Variants in RORB observed in about 807,000 individuals in gnomAD.
RORB encodes nuclear receptor ROR-beta.
In RORB, 6 loss-of-function variants were observed where a neutral mutation model predicts 59.1. That is an observed-to-expected ratio of 0.10 (90% CI 0.06 to 0.20). RORB has a LOEUF of 0.20. RORB is among the 10% of genes least tolerant of loss of function. The pLI, the probability that RORB is intolerant of heterozygous loss-of-function variation, is 1.00. For missense variants in RORB, 320 were observed against 560.5 expected (o/e 0.57, Z 4.33); for synonymous variants, 215 against 204.5 (o/e 1.05, Z -0.44).
chr9:74,549,609 A>G (rs78633875), intron 1 of RORB, among the ~76,000 whole-genome samples: 2,463 of 32,714 alleles, frequency 0.075, 108 homozygotes, highest in African/African-American at 0.097. Context: ...AGGAAGGAAG[A>G]AAGGAAGGAA....
chr9:74,573,474 A>C (rs1333029192), intron 1 of RORB, among the ~76,000 whole-genome samples: 2 of 151,946 alleles, frequency 1.3e-5, no homozygotes, highest in Non-Finnish European at 2.9e-5. Context: ...TAAAAAAAAA[A>C]AAAAAAAAAA....
intron 1 of RORB, among the ~76,000 whole-genome samples, chr9:74,621,917 A>G (rs1479041816): frequency 6.6e-6 from 1 of 152,166 alleles, no homozygotes; most frequent in Non-Finnish European, 1.5e-5. Context: ...TTGAATTTTA[A>G]GAGCACTTTG....
At chr9:74,540,642 T>C (rs1218879234) in intron 1 of RORB, among the ~76,000 whole-genome samples, 2 of 152,134 alleles carry the variant, frequency 1.3e-5, no homozygotes, top group Non-Finnish European at 2.9e-5. Context: ...CAGGGATCTT[T>C]CTCATTCTTT....
chr9:74,614,113 A>G (rs1823273576), intron 1 of RORB, among the ~76,000 whole-genome samples: 2 of 152,142 alleles, frequency 1.3e-5, no homozygotes, highest in Admixed American at 1.3e-4. Context: ...GCTGGGTTGA[A>G]TGACAGTACT....
At chr9:74,561,619 G>A (rs1822397913) in intron 1 of RORB, among the ~76,000 whole-genome samples, 2 of 152,050 alleles carry the variant, frequency 1.3e-5, no homozygotes, top group South Asian at 2.1e-4. Context: ...AGACTTATAG[G>A]AAGGTGCAAA....
chr9:74,517,064 T>C (rs1826020762), intron 1 of RORB, among the ~76,000 whole-genome samples: 2 of 151,934 alleles, frequency 1.3e-5, no homozygotes, highest in Non-Finnish European at 2.9e-5. Flanking sequence ...TCAAGATTCT[T>C]CCAAGAATCT....
At chr9:74,570,647 C>T (rs1166733359) in intron 1 of RORB, among the ~76,000 whole-genome samples, 1 of 152,042 alleles carries the variant, frequency 6.6e-6, no homozygotes, top group African/African-American at 2.4e-5. Context: ...TTCCTTCTAG[C>T]TTTCACATAA....
chr9:74,621,754 T>A (rs1416745291), intron 1 of RORB, among the ~76,000 whole-genome samples: 1 of 152,218 alleles, frequency 6.6e-6, no homozygotes, highest in East Asian at 1.9e-4. Context: ...GCATTTGGTA[T>A]TATCAGTTTT....
chr9:74,581,157 C>T (rs942983717), intron 1 of RORB, among the ~76,000 whole-genome samples: 1 of 152,184 alleles, frequency 6.6e-6, no homozygotes, highest in South Asian at 2.1e-4. Flanking sequence ...CATGAAAATT[C>T]ACCAGGCCCT....
At chr9:74,541,463 A>G (rs577057703) in intron 1 of RORB, among the ~76,000 whole-genome samples, 2 of 152,134 alleles carry the variant, frequency 1.3e-5, no homozygotes, top group South Asian at 2.1e-4. Context: ...AGTGATGTGC[A>G]TAGTACAAAA....
At chr9:74,611,593 G>C (rs909827757) in intron 1 of RORB, among the ~76,000 whole-genome samples, 4 of 152,140 alleles carry the variant, frequency 2.6e-5, no homozygotes, top group Non-Finnish European at 4.4e-5. Context: ...CCCCAGTGTT[G>C]AGTCAAGCAA....
chr9:74,542,109 A>G (rs990877583), intron 1 of RORB, among the ~76,000 whole-genome samples: 1 of 152,194 alleles, frequency 6.6e-6, no homozygotes, highest in African/African-American at 2.4e-5. Context: ...CAGACTTCAA[A>G]GAATTCACAC....
At chr9:74,523,635 T>A (rs1826113284) in intron 1 of RORB, among the ~76,000 whole-genome samples, 1 of 151,938 alleles carries the variant, frequency 6.6e-6, no homozygotes, top group Non-Finnish European at 1.5e-5. Flanking sequence ...GTTGGCCTGA[T>A]TGCCAGTGCC....
At chr9:74,499,587 C>T (rs1020150549) in intron 1 of RORB, among the ~76,000 whole-genome samples, 32 of 152,170 alleles carry the variant, frequency 2.1e-4, no homozygotes, top group Admixed American at 1.6e-3. Context: ...CGCGCTGGCT[C>T]CAGCTGATTG....
intron 1 of RORB, among the ~76,000 whole-genome samples, chr9:74,548,110 TC>T (rs1342921368): frequency 1.3e-5 from 2 of 152,062 alleles, no homozygotes; most frequent in African/African-American, 4.8e-5. Flanking sequence ...AAAAAATGAC[TC>T]CCCATGTTTT....
At chr9:74,504,461 G>A (rs1825842187) in intron 1 of RORB, among the ~76,000 whole-genome samples, 1 of 151,860 alleles carries the variant, frequency 6.6e-6, no homozygotes, top group African/African-American at 2.4e-5. Flanking sequence ...AAAATATAAG[G>A]CTAAAATCTT....
At chr9:74,518,505 C>G (rs1826040579) in intron 1 of RORB, among the ~76,000 whole-genome samples, 1 of 151,942 alleles carries the variant, frequency 6.6e-6, no homozygotes, top group Non-Finnish European at 1.5e-5. Flanking sequence ...GGAAAGACTT[C>G]TAGAATTTAA....
At position 74,691,860 on chromosome 9, in the gene RORB, G is replaced by A. The variant is rs1441185159; in HGVS notation, c.*6242G>A. 1 of 152,136 alleles carries A rather than the reference G, an allele frequency of 6.6e-6. No individual in the cohort carries two copies. The highest frequency in any genetic ancestry group is 1.9e-4 in the East Asian group (1 of 5,188). 9.4% of individuals were successfully genotyped at this position (152,136 alleles called of 1,614,324 possible). A position where few individuals can be genotyped will look rare whatever the true frequency, so the allele number is the denominator to read the frequency against. ...GTAATATGACTGAGAAAGGGACAGG[G>A]CTGTCAATTAAATCTGCTCCAAAGA... On this transcript the variant is annotated 3_prime_UTR_variant, in exon 10 of 10. Coordinates refer to ENST00000376896, the MANE Select transcript of RORB (RefSeq NM_006914.4).
At chr9:74,546,713 G>A (rs1459181458) in intron 1 of RORB, among the ~76,000 whole-genome samples, 1 of 152,178 alleles carries the variant, frequency 6.6e-6, no homozygotes, top group Non-Finnish European at 1.5e-5. Flanking sequence ...GATTGCTGTT[G>A]TCGTTTAATG....
Sources: allele counts gnomAD v4.1 joint callset (sites outside exome capture counted in the v4.1 genomes callset), GRCh38; gene constraint gnomAD v4.1.1; transcripts MANE v1.5; gene names NCBI Gene and HGNC (gene_info 2026-07-23, HGNC 2026-07-21).